Variants in FHIT observed in about 807,000 individuals in gnomAD.
FHIT encodes the protein fragile histidine triad diadenosine triphosphatase, also known as bis(5'-adenosyl)-triphosphatase.
Under a neutral mutation model 17.9 loss-of-function variants are expected in FHIT, and 19 were observed. That is an observed-to-expected ratio of 1.06 (90% CI 0.74 to 1.56). FHIT has a LOEUF of 1.56. FHIT is among the 40% of genes most tolerant of loss of function. FHIT has a pLI of 0.00. For synonymous variants in FHIT, 81 were observed against 69.7 expected (o/e 1.16, Z -0.81); for missense variants, 248 against 189.2 (o/e 1.31, Z -1.82).
rs770378733 is a variant in FHIT, at chr3:60,258,100, A to ACACC, written c.104-243949_104-243948insGGTG. 2.8e-3 allele frequency among the ~76,000 whole-genome samples: 409 copies of ACACC among 145,150 alleles called. 2 individuals are homozygous for ACACC. The highest frequency in any genetic ancestry group is 7.2e-3 in the Middle Eastern group (2 of 278). Reference sequence around the variant, plus strand: ...CACACACACACACACACACACACACACCTCTGCAGATTTTGTACACACTCC... The same window carrying ACACC: ...CACACACACACACACACACACACACACACCCCTCTGCAGATTTTGTACACACTCC... On this transcript the variant is annotated intron_variant, in intron 5 of 9. Coordinates refer to ENST00000492590, the MANE Select transcript of FHIT (RefSeq NM_002012.4).
chr3:59,986,929 T>C (rs1203803054), intron 7 of FHIT, among the ~76,000 whole-genome samples: 1 of 122,360 alleles, frequency 8.2e-6, no homozygotes, highest in Non-Finnish European at 1.6e-5. Flanking sequence ...TATGTACGTA[T>C]GTATAGGATT....
intron 5 of FHIT, among the ~76,000 whole-genome samples, chr3:60,097,219 A>G (rs951027242): frequency 6.6e-6 from 1 of 152,020 alleles, no homozygotes; most frequent in African/African-American, 2.4e-5. Flanking sequence ...GTAACTGAAC[A>G]TCTTATGGTC....
At chr3:60,981,312 C>CT (rs1238658326) in intron 3 of FHIT, among the ~76,000 whole-genome samples, 26 of 81,650 alleles carry the variant, frequency 3.2e-4, no homozygotes, top group South Asian at 8.7e-4. Flanking sequence ...TTTTTTTTTT[C>CT]TTTTTTTTTT....
At chr3:61,019,279 G>C (rs1575847819) in intron 3 of FHIT, among the ~76,000 whole-genome samples, 1 of 152,310 alleles carries the variant, frequency 6.6e-6, no homozygotes, top group East Asian at 1.9e-4. Flanking sequence ...TGGTTATAAA[G>C]AATTATATTA....
intron 5 of FHIT, among the ~76,000 whole-genome samples, chr3:60,150,124 G>A (rs1194220878): frequency 6.7e-6 from 1 of 148,774 alleles, no homozygotes; most frequent in Non-Finnish European, 1.5e-5. Flanking sequence ...GCCTTCCTGA[G>A]TAGCTAGGAT....
intron 8 of FHIT, among the ~76,000 whole-genome samples, chr3:59,875,894 C>G (rs1260197183): frequency 6.7e-6 from 1 of 149,312 alleles, no homozygotes; most frequent in Non-Finnish European, 1.5e-5. Context: ...GAGTTTTTCC[C>G]AAGCACATAT....
intron 7 of FHIT, among the ~76,000 whole-genome samples, chr3:59,939,337 C>T (rs1706397037): frequency 1.3e-5 from 2 of 152,084 alleles, no homozygotes. Context: ...TGCATCATAC[C>T]ATTTAGTCAG....
At chr3:59,857,686 A>T in intron 8 of FHIT, among the ~76,000 whole-genome samples, 1 of 144,260 alleles carries the variant, frequency 6.9e-6, no homozygotes, top group African/African-American at 2.6e-5. Context: ...ACTTATGACT[A>T]TGCTGTGCAA....
chr3:60,331,109 CT>C (rs1453792530), intron 5 of FHIT, among the ~76,000 whole-genome samples: 6 of 152,174 alleles, frequency 3.9e-5, no homozygotes, highest in Non-Finnish European at 8.8e-5. Flanking sequence ...CCTACTGCCA[CT>C]TTTCTCCTCA....
At chr3:60,559,975 C>T (rs918021360) in intron 4 of FHIT, among the ~76,000 whole-genome samples, 7 of 151,992 alleles carry the variant, frequency 4.6e-5, no homozygotes, top group African/African-American at 1.7e-4. Context: ...AGGCCAGAGC[C>T]CTAAGTTTAA....
intron 8 of FHIT, among the ~76,000 whole-genome samples, chr3:59,900,263 G>A (rs569102423): frequency 1.3e-5 from 2 of 152,162 alleles, no homozygotes; most frequent in Non-Finnish European, 2.9e-5. Flanking sequence ...TGAGGAGAGT[G>A]AGCCTCTCTT....
intron 5 of FHIT, among the ~76,000 whole-genome samples, chr3:60,239,490 A>C (rs1223070687): frequency 2.0e-5 from 3 of 152,298 alleles, no homozygotes; most frequent in South Asian, 2.1e-4. Flanking sequence ...GCTTATGCCC[A>C]GGAGCTCAAG....
At chr3:60,065,897 TCCTACCGTGAATTTGATCATGGTTC>T (rs1253103175) in intron 5 of FHIT, among the ~76,000 whole-genome samples, 1 of 152,182 alleles carries the variant, frequency 6.6e-6, no homozygotes, top group African/African-American at 2.4e-5. Flanking sequence ...CTCCCTTTCT[TCCTACCGTGAATTTGATCATGGTTC>T]CAGGAAATAG....
chr3:61,087,401 C>G (rs528640971), intron 2 of FHIT, among the ~76,000 whole-genome samples: 8 of 152,196 alleles, frequency 5.3e-5, no homozygotes, highest in Non-Finnish European at 1.2e-4. Flanking sequence ...ACCTAAATCA[C>G]CGCTACATCA....
intron 5 of FHIT, among the ~76,000 whole-genome samples, chr3:60,382,505 A>G (rs975929800): frequency 6.6e-6 from 1 of 152,192 alleles, no homozygotes; most frequent in Non-Finnish European, 1.5e-5. Context: ...AAACCAGAAA[A>G]CTTGTATGAA....
At position 59,970,903 on chromosome 3, in the gene FHIT, C is replaced by T. The variant is rs763204357; in HGVS notation, c.279+40468G>A. 7.9e-5 allele frequency among the ~76,000 whole-genome samples: 10 copies of T among 127,270 alleles called. No individual in the cohort carries two copies. In the South Asian group the frequency reaches 9.1e-4, roughly 12 times the overall value. The allele number at this position is 127,270 out of a possible 152,430, so 83.5% of individuals were successfully genotyped here. A position where few individuals can be genotyped will look rare whatever the true frequency, so the allele number is the denominator to read the frequency against. The stretch of plus-strand genomic sequence containing the variant: ...AGGGTTTAACCGGTGAACTAGTTGA[C>T]GGAACAAGCAGGGATTAAAAAAAAA... On this transcript the variant is annotated intron_variant, in intron 7 of 9. Transcript: ENST00000492590.
intron 2 of FHIT, among the ~76,000 whole-genome samples, chr3:61,067,986 A>C (rs992276674): frequency 2.6e-5 from 4 of 152,218 alleles, no homozygotes; most frequent in Admixed American, 6.5e-5. Context: ...ACTTCAGCAC[A>C]TCAGAATCAC....
chr3:60,687,988 T>A (rs1401628298), intron 4 of FHIT, among the ~76,000 whole-genome samples: 1 of 152,196 alleles, frequency 6.6e-6, no homozygotes, highest in Non-Finnish European at 1.5e-5. Flanking sequence ...TTAATTTCGC[T>A]TCTGCCTAAT....
chr3:60,355,328 T>C (rs142232005), intron 5 of FHIT, among the ~76,000 whole-genome samples: 150 of 152,316 alleles, frequency 9.8e-4, no homozygotes, highest in Non-Finnish European at 1.7e-3. Flanking sequence ...GAAGATTGTT[T>C]TAGTGGTACA....
Sources: allele counts gnomAD v4.1 joint callset (sites outside exome capture counted in the v4.1 genomes callset), GRCh38; gene constraint gnomAD v4.1.1; transcripts MANE v1.5; gene names NCBI Gene and HGNC (gene_info 2026-07-23, HGNC 2026-07-21).